Variants in NCAM1 observed in about 807,000 individuals in gnomAD.
The protein encoded by NCAM1 is neural cell adhesion molecule 1.
A neutral mutation model predicts 109.8 loss-of-function variants in NCAM1; 14 were observed. That is an observed-to-expected ratio of 0.13 (90% CI 0.08 to 0.20). The LOEUF (loss-of-function observed/expected upper bound fraction) is 0.20. NCAM1 is among the 10% of genes least tolerant of loss of function. NCAM1 has a pLI of 1.00. For missense variants in NCAM1, 774 were observed against 1,109.9 expected (o/e 0.70, Z 4.30); for synonymous variants, 418 against 442.9 (o/e 0.94, Z 0.70).
rs566088016 is a variant in NCAM1, at chr11:113,070,495, G to A, written c.52+108831G>A. ...AAAGTGGATTCTACAGAATGTTTTA[G>A]TGGACTGAAGGGCATCAGGCAGTGT... On this transcript the variant is annotated intron_variant, in intron 1 of 19. Transcript: ENST00000316851. 4.6e-5 allele frequency among the ~76,000 whole-genome samples: 7 copies of A among 152,296 alleles called. No homozygotes were observed. In the South Asian group the frequency reaches 1.2e-3, roughly 27 times the overall value.
In NCAM1 at chr11:113,273,163, C is replaced by A; in HGVS notation, c.2456+1287C>A. ...TCCAAGGGGCCCAGCGCCTCTGCCC[C>A]CTCCCCGGCCCCAGCTTCAGCCCCC... On this transcript the variant is annotated intron_variant, in intron 19 of 19. Coordinates refer to ENST00000316851, the MANE Select transcript of NCAM1 (RefSeq NM_181351.5). This position sits in a 1 kb window ranked among gnomAD's most constrained non-coding sequence, Gnocchi z 6.0. The A allele has an allele frequency of 2.4e-6, 1 of 412,296 alleles. No homozygotes were observed. The highest frequency in any genetic ancestry group is 1.8e-5 in the South Asian group (1 of 57,006). The allele number at this position is 412,296 out of a possible 1,614,324, so 25.5% of individuals were successfully genotyped here.
intron 13 of NCAM1, among the ~76,000 whole-genome samples, chr11:113,234,596 G>A (rs1288676392): frequency 1.3e-5 from 2 of 152,196 alleles, no homozygotes; most frequent in African/African-American, 2.4e-5. Flanking sequence ...TATCTTCAAG[G>A]TTCATCCATG....
chr11:113,194,487 T>C (rs782355068), intron 1 of NCAM1, among the ~76,000 whole-genome samples: 18 of 152,302 alleles, frequency 1.2e-4, no homozygotes, highest in Non-Finnish European at 2.5e-4. Context: ...TGAAAAATGA[T>C]AGATTTTGGA....
intron 1 of NCAM1, among the ~76,000 whole-genome samples, chr11:112,968,140 G>T (rs1950775655): frequency 6.6e-6 from 1 of 152,202 alleles, no homozygotes; most frequent in Non-Finnish European, 1.5e-5. Context: ...CCTCATAGAG[G>T]TTGTATGTGT....
rs375984527 is a variant in NCAM1 at position 113,000,817 on chromosome 11, C to CATATATATAT, written c.52+39175_52+39184dup. ...GAGGCAACCTATAGAATTATATATA[C>CATATATATAT]ATATATATATATATATATATATATA... On this transcript the variant is annotated intron_variant, in intron 1 of 19. Coordinates refer to ENST00000316851, the MANE Select transcript of NCAM1 (RefSeq NM_181351.5). Among the ~76,000 whole-genome samples, 1,254 of 129,188 alleles carry CATATATATAT rather than the reference C, an allele frequency of 9.7e-3. 12 individuals are homozygous for CATATATATAT. Among genetic ancestry groups the CATATATATAT allele is most frequent in the African/African-American group, 0.02 (644 of 31,552 alleles). The allele number at this position is 129,188 out of a possible 152,430, so 84.8% of individuals were successfully genotyped here.
chr11:113,120,875 C>T (rs1555095894), intron 1 of NCAM1, among the ~76,000 whole-genome samples: 3 of 152,160 alleles, frequency 2.0e-5, no homozygotes, highest in African/African-American at 7.2e-5. Flanking sequence ...ATGAATGAGG[C>T]TGAAGACCAG....
At chr11:113,056,674 A>C (rs533014595) in intron 1 of NCAM1, among the ~76,000 whole-genome samples, 1 of 152,198 alleles carries the variant, frequency 6.6e-6, no homozygotes, top group Non-Finnish European at 1.5e-5. Flanking sequence ...GCTAACAAGC[A>C]CATGAGCTTG....
intron 1 of NCAM1, among the ~76,000 whole-genome samples, chr11:113,086,828 C>T (rs1004181093): frequency 3.9e-5 from 6 of 152,070 alleles, no homozygotes; most frequent in Non-Finnish European, 8.8e-5. Context: ...ATAATACTTG[C>T]AGTGTTAAAA....
rs142920107 is a variant in NCAM1, at chr11:113,021,046, C to T, written c.52+59382C>T. Among the ~76,000 whole-genome samples, 77 of 152,268 alleles carry T rather than the reference C, an allele frequency of 5.1e-4. 2 individuals are homozygous for T. The East Asian group carries it at 0.013, about 25-fold the overall frequency. Reference sequence around the variant, plus strand: ...TGCTGGGATTACAGGCATGAGCCACCGCACCCAAGCTTATTATTTTCTTCA... The same window carrying T: ...TGCTGGGATTACAGGCATGAGCCACTGCACCCAAGCTTATTATTTTCTTCA... On this transcript the variant is annotated intron_variant, in intron 1 of 19. Transcript: ENST00000316851.
chr11:113,232,203 A>G lies in NCAM1; in HGVS notation c.1274A>G (p.Tyr425Cys). ...APKLQGPVAVYTWEGNQVNIT... is the reference protein window; with the variant it reads ...APKLQGPVAVCTWEGNQVNIT... ...AAGCTACAGGGCCCTGTGGCTGTGT[A>G]CACTTGGGAGGGGAACCAGGTGAAC... The change falls in exon 11 of 20, where the codon TAC (tyrosine) becomes TGC (cysteine). Residue 425 changes from tyrosine (Y) to cysteine (C), a missense_variant. Transcript: ENST00000316851. 1 of 1,611,862 alleles carries G rather than the reference A, an allele frequency of 6.2e-7. No homozygotes were observed. Among genetic ancestry groups the G allele is most frequent in the Non-Finnish European group, 8.5e-7 (1 of 1,178,970 alleles).
intron 1 of NCAM1, among the ~76,000 whole-genome samples, chr11:113,154,234 AT>A (rs1284948077): frequency 6.6e-6 from 1 of 152,202 alleles, no homozygotes; most frequent in Non-Finnish European, 1.5e-5. Flanking sequence ...GAGATGAGAA[AT>A]TGGCAATAAC....
chr11:113,195,495 A>ATT (rs561856662), intron 1 of NCAM1, among the ~76,000 whole-genome samples: 526 of 85,562 alleles, frequency 6.1e-3, no homozygotes, highest in Middle Eastern at 0.019. Context: ...CCCTTAGTAG[A>ATT]TTTTTTTTTT....
chr11:113,233,115 C>A lies in NCAM1; in HGVS notation c.1523-32C>A, dbSNP rs782057844. On this transcript the variant is annotated intron_variant, in intron 12 of 19. Coordinates refer to ENST00000316851, the MANE Select transcript of NCAM1 (RefSeq NM_181351.5). The surrounding 1 kb of genome is among the most constrained non-coding windows in gnomAD (Gnocchi z 4.5). The stretch of plus-strand genomic sequence containing the variant: ...TAATGGTCTTGGGCCAAACTGGGCT[C>A]ACCTGAGTCTCCATATGTGTCTTCC... 47 of 1,599,570 alleles carry A rather than the reference C, an allele frequency of 2.9e-5. No individual in the cohort carries two copies. Among genetic ancestry groups the A allele is most frequent in the Non-Finnish European group, 4.0e-5 (47 of 1,173,530 alleles).
chr11:113,258,227 CAA>C (rs1555122635), intron 16 of NCAM1, among the ~76,000 whole-genome samples: 1 of 152,202 alleles, frequency 6.6e-6, no homozygotes, highest in Non-Finnish European at 1.5e-5. Context: ...CCAAAGATTG[CAA>C]AGAGATGGGC....
intron 1 of NCAM1, among the ~76,000 whole-genome samples, chr11:113,027,618 C>A (rs181105111): frequency 1.4e-4 from 22 of 152,292 alleles, no homozygotes; most frequent in Non-Finnish European, 2.6e-4. Context: ...CAAACAGCTT[C>A]TTTCGGCATT....
chr11:113,042,720 A>C (rs1397473680), intron 1 of NCAM1, among the ~76,000 whole-genome samples: 3 of 152,022 alleles, frequency 2.0e-5, no homozygotes, highest in Non-Finnish European at 4.4e-5. Flanking sequence ...CCCAGCTGTC[A>C]TTTGCGAAGG....
At chr11:113,257,636 C>T (rs761032487) in intron 16 of NCAM1, among the ~76,000 whole-genome samples, 19 of 152,188 alleles carry the variant, frequency 1.2e-4, no homozygotes, top group Non-Finnish European at 2.2e-4. Flanking sequence ...CACAGCTGGG[C>T]ACAACGCTGA....
chr11:113,244,640 C>T (rs1945441741), intron 14 of NCAM1, among the ~76,000 whole-genome samples: 1 of 119,636 alleles, frequency 8.4e-6, no homozygotes, highest in Admixed American at 9.6e-5. Flanking sequence ...CCCAGTTTTG[C>T]TTCTGTGTGT....
chr11:113,233,100 G>A lies in NCAM1; in HGVS notation c.1523-47G>A, dbSNP rs1945058649. 6.4e-7 allele frequency: 1 copy of A among 1,569,104 alleles called. No individual in the cohort carries two copies. The highest frequency in any genetic ancestry group is 8.7e-7 in the Non-Finnish European group (1 of 1,152,150). ...CTTGTGACTGAGAGTTAATGGTCTT[G>A]GGCCAAACTGGGCTCACCTGAGTCT... On this transcript the variant is annotated intron_variant, in intron 12 of 19. Coordinates refer to ENST00000316851, the MANE Select transcript of NCAM1 (RefSeq NM_181351.5). The surrounding 1 kb of genome is among the most constrained non-coding windows in gnomAD (Gnocchi z 4.5).
Sources: gnomAD v4.1 joint callset for allele counts (sites outside exome capture counted in the v4.1 genomes callset) on GRCh38, gnomAD v4.1.1 for gene constraint, Gnocchi (gnomAD v3.1) non-coding constraint, MANE v1.5 for transcripts, NCBI Gene and HGNC (gene_info 2026-07-23, HGNC 2026-07-21) for gene names.